The following GPHN variants were observed in gnomAD, a reference collection of about 807,000 sequenced individuals.
The protein encoded by GPHN is gephyrin.
Under a neutral mutation model 95.5 loss-of-function variants are expected in GPHN, and 17 were observed. The ratio of observed to expected loss-of-function variants is 0.18; its 90% CI spans 0.12 to 0.27. The LOEUF is 0.27. Among genes scored for constraint, GPHN ranks in the 10% least tolerant of loss-of-function variants. The pLI is 1.00. For missense variants in GPHN, 660 were observed against 978.1 expected (o/e 0.67, Z 4.34); for synonymous variants, 320 against 322.5 (o/e 0.99, Z 0.08).
At chr14:67,305,118 C>A in the GPHN span, among the ~76,000 whole-genome samples, 1 of 152,060 alleles carries the variant, frequency 6.6e-6, no homozygotes, top group Non-Finnish European at 1.5e-5. Flanking sequence ...TGTGCTGTTC[C>A]CTGTATCTCT....
chr14:67,021,887 C>T (rs769232980), intron 9 of GPHN, among the ~76,000 whole-genome samples: 5 of 152,100 alleles, frequency 3.3e-5, no homozygotes, highest in Non-Finnish European at 2.9e-5. Context: ...TGGGCTCCTT[C>T]TGTTTCTACA....
At chr14:67,104,081 T>G (rs1391438570) in intron 13 of GPHN, among the ~76,000 whole-genome samples, 3 of 152,116 alleles carry the variant, frequency 2.0e-5, no homozygotes, top group Admixed American at 6.5e-5. Context: ...CCATGAAGGA[T>G]TGTTGAATTT....
the GPHN span, among the ~76,000 whole-genome samples, chr14:67,491,364 G>A: frequency 6.6e-6 from 1 of 152,098 alleles, no homozygotes; most frequent in Non-Finnish European, 1.5e-5. Context: ...TTGGAGGTTG[G>A]AGGGTGAGGC....
the GPHN span, among the ~76,000 whole-genome samples, chr14:67,440,927 T>C: frequency 3.3e-5 from 5 of 152,224 alleles, no homozygotes; most frequent in African/African-American, 7.2e-5. Context: ...ATCCTAACTC[T>C]TGTAGTGTCA....
At chr14:66,748,902 G>A (rs1456991485) in intron 2 of GPHN, among the ~76,000 whole-genome samples, 4 of 151,898 alleles carry the variant, frequency 2.6e-5, no homozygotes, top group Non-Finnish European at 5.9e-5. Flanking sequence ...AAGTTTTTCA[G>A]GTTTTGGAGC....
At chr14:67,245,578 C>T in the GPHN span, among the ~76,000 whole-genome samples, 1 of 151,966 alleles carries the variant, frequency 6.6e-6, no homozygotes, top group East Asian at 1.9e-4. Context: ...CTCAGAACTC[C>T]TGGGCTCAAG....
chr14:67,217,675 A>G, the GPHN span, among the ~76,000 whole-genome samples: 2 of 152,164 alleles, frequency 1.3e-5, no homozygotes, highest in African/African-American at 4.8e-5. Context: ...TTGTAAGGCC[A>G]ATCTAGTGAT....
chr14:67,199,096 A>T, the GPHN span: 4 of 1,088,702 alleles, frequency 3.7e-6, no homozygotes, highest in African/African-American at 3.1e-5. Flanking sequence ...CGGAACCAGG[A>T]TGCCACTGTG....
intron 9 of GPHN, among the ~76,000 whole-genome samples, chr14:66,996,526 G>C (rs1041072771): frequency 3.3e-5 from 5 of 151,892 alleles, no homozygotes; most frequent in Admixed American, 6.6e-5. Flanking sequence ...TTTTGAATTA[G>C]GTAATTTATT....
At chr14:67,647,142 T>G in the GPHN span, 1 of 712,318 alleles carries the variant, frequency 1.4e-6, no homozygotes, top group East Asian at 2.7e-5. Context: ...ACACATAATT[T>G]TAAATAGTTC....
At chr14:66,823,940 A>G (rs2061301585) in intron 3 of GPHN, among the ~76,000 whole-genome samples, 1 of 152,236 alleles carries the variant, frequency 6.6e-6, no homozygotes, top group South Asian at 2.1e-4. Flanking sequence ...AAAATGTAGA[A>G]TGGGTTGATA....
At chr14:67,200,628 C>A in the GPHN span, 1 of 181,572 alleles carries the variant, frequency 5.5e-6, no homozygotes, top group East Asian at 1.8e-4. Flanking sequence ...TGTGAGCTAC[C>A]CACCTCCAGT....
At chr14:67,094,756 A>G (rs1351298752) in intron 12 of GPHN, among the ~76,000 whole-genome samples, 1 of 152,210 alleles carries the variant, frequency 6.6e-6, no homozygotes, top group Non-Finnish European at 1.5e-5. Flanking sequence ...TGGTGGTCCC[A>G]TGAGATTACA....
At chr14:67,387,276 C>T in the GPHN span, 2 of 1,565,160 alleles carry the variant, frequency 1.3e-6, no homozygotes, top group Middle Eastern at 1.7e-4. Context: ...TCCAGGAACT[C>T]TTGTCTGTGT....
the GPHN span, among the ~76,000 whole-genome samples, chr14:67,197,943 T>C: frequency 6.6e-6 from 1 of 152,186 alleles, no homozygotes; most frequent in Non-Finnish European, 1.5e-5. Context: ...TGTCTCCCCA[T>C]AGAGTGTAAG....
At chr14:67,253,714 T>C in the GPHN span, among the ~76,000 whole-genome samples, 3 of 151,920 alleles carry the variant, frequency 2.0e-5, no homozygotes, top group East Asian at 5.8e-4. Context: ...GGGTTTGCAT[T>C]CCTGTAGTCC....
chr14:67,434,283 T>C, the GPHN span, among the ~76,000 whole-genome samples: 1 of 152,228 alleles, frequency 6.6e-6, no homozygotes, highest in Admixed American at 6.5e-5. Flanking sequence ...TTGTTCAAAT[T>C]CCCTGGATGC....
chr14:66,659,501 T>C (rs569182828), intron 1 of GPHN, among the ~76,000 whole-genome samples: 1 of 152,232 alleles, frequency 6.6e-6, no homozygotes, highest in South Asian at 2.1e-4. Flanking sequence ...ACTAGTTCTT[T>C]CTAATTTTGT....
At chr14:67,455,096 C>T in the GPHN span, among the ~76,000 whole-genome samples, 4 of 152,164 alleles carry the variant, frequency 2.6e-5, no homozygotes, top group African/African-American at 4.8e-5. Context: ...CTGATCCACC[C>T]GCCTTGGCCT....
Sources: gnomAD v4.1 joint callset for allele counts (sites outside exome capture counted in the v4.1 genomes callset) on GRCh38, gnomAD v4.1.1 for gene constraint, MANE v1.5 for transcripts, NCBI Gene and HGNC (gene_info 2026-07-23, HGNC 2026-07-21) for gene names.